The following DCLK1 variants were observed in gnomAD, a reference collection of about 807,000 sequenced individuals.
The protein encoded by DCLK1 is doublecortin like kinase 1, also known as serine/threonine-protein kinase DCLK1.
A neutral mutation model predicts 86.2 loss-of-function variants in DCLK1; 16 were observed. The ratio of observed to expected loss-of-function variants is 0.19; its 90% CI spans 0.13 to 0.28. DCLK1 has a LOEUF of 0.28. Ranked by LOEUF, DCLK1 falls within the 10% of genes least tolerant of loss-of-function variation. The pLI is 1.00. For missense variants in DCLK1, 590 were observed against 940.2 expected (o/e 0.63, Z 4.87); for synonymous variants, 369 against 370.5 (o/e 1.00, Z 0.05).
At chr13:35,835,946 C>T in intron 8 of DCLK1, 87 bp downstream of exon 8, 1 of 1,015,948 alleles carries the variant, frequency 9.8e-7, no homozygotes, top group Non-Finnish European at 1.5e-6. Flanking sequence ...TCCATATGTG[C>T]CACAGACTGG....
chr13:35,947,567 A>G, intron 3 of DCLK1, 110 bp from the exon 4 acceptor site: 1 of 744,218 alleles, frequency 1.3e-6, no homozygotes, highest in South Asian at 2.3e-5. Context: ...AATGGAATCA[A>G]CAGGGCAGCT....
chr13:35,944,887 T>C (rs1334817286), intron 4 of DCLK1, among the ~76,000 whole-genome samples: 1 of 152,000 alleles, frequency 6.6e-6, no homozygotes, highest in East Asian at 1.9e-4. Context: ...CTGTGTGCAT[T>C]CTTTTTTATT....
chr13:35,850,296 G>A (rs747517164), intron 6 of DCLK1: 79 of 984,912 alleles, frequency 8.0e-5, no homozygotes, highest in Middle Eastern at 5.2e-4. Context: ...TGCTAGTGCC[G>A]TTTTAATATG....
chr13:35,808,532 CAGCATTTCAGG>C (rs898974627), intron 13 of DCLK1, among the ~76,000 whole-genome samples: 7 of 152,182 alleles, frequency 4.6e-5, no homozygotes, highest in African/African-American at 1.7e-4. Flanking sequence ...CCTGTATTCC[CAGCATTTCAGG>C]AGACTGAGGC....
chr13:35,794,131 G>A (rs1593594994), intron 15 of DCLK1, among the ~76,000 whole-genome samples: 1 of 152,298 alleles, frequency 6.6e-6, no homozygotes, highest in East Asian at 1.9e-4. Flanking sequence ...GACTGAGGCT[G>A]GACACATGGT....
chr13:36,101,530 A>G (rs1593891029), intron 3 of DCLK1, among the ~76,000 whole-genome samples: 1 of 152,138 alleles, frequency 6.6e-6, no homozygotes, highest in African/African-American at 2.4e-5. Context: ...AGGGCTTTGA[A>G]TTCTGATGTT....
rs1279893587 is a variant in DCLK1, at chr13:35,862,479, G to A, written c.941-7886C>T. Among the ~76,000 whole-genome samples, 3 of 152,084 alleles carry A rather than the reference G, an allele frequency of 2.0e-5. No homozygotes were observed. In the East Asian group the frequency reaches 5.8e-4, roughly 30 times the overall value. ...CCTCATAGAGCCTTCCTGGCCCTTG[G>A]CCTTTCATGTGTAGCAATTTTTTCC... On this transcript the variant is annotated intron_variant, in intron 5 of 16. Transcript: ENST00000360631.
intron 3 of DCLK1, among the ~76,000 whole-genome samples, chr13:36,053,960 TG>T (rs956683653): frequency 2.0e-5 from 3 of 152,096 alleles, no homozygotes; most frequent in African/African-American, 7.2e-5. Context: ...GCAGGATTAG[TG>T]TAAAAGCCAT....
chr13:35,896,749 G>A (rs1163329803), intron 4 of DCLK1, among the ~76,000 whole-genome samples: 8 of 152,050 alleles, frequency 5.3e-5, no homozygotes, highest in Non-Finnish European at 1.0e-4. Context: ...CCCTACCTCA[G>A]GTAAACCTTT....
intron 4 of DCLK1, among the ~76,000 whole-genome samples, chr13:35,896,577 G>A (rs1566591274): frequency 8.1e-6 from 1 of 123,248 alleles, no homozygotes; most frequent in African/African-American, 2.9e-5. Flanking sequence ...TATGCTGTTA[G>A]AACTTGATAT....
intron 3 of DCLK1, among the ~76,000 whole-genome samples, chr13:35,965,728 C>T (rs1209451484): frequency 6.6e-6 from 1 of 152,170 alleles, no homozygotes; most frequent in Non-Finnish European, 1.5e-5. Context: ...CCCTCTGCAT[C>T]CAGACCCCTT....
At chr13:36,063,166 T>C (rs1883621164) in intron 3 of DCLK1, among the ~76,000 whole-genome samples, 1 of 152,190 alleles carries the variant, frequency 6.6e-6, no homozygotes, top group Admixed American at 6.5e-5. Flanking sequence ...TGATAAAGAT[T>C]ATTAACTTTT....
chr13:35,831,949 C>G (rs974800689), intron 8 of DCLK1, among the ~76,000 whole-genome samples: 1 of 152,098 alleles, frequency 6.6e-6, no homozygotes, highest in Non-Finnish European at 1.5e-5. Context: ...TCAGGCCAGT[C>G]TTCTGCCCAC....
chr13:35,822,912 A>G (rs1352315453), intron 10 of DCLK1, 37 bp from the exon 11 acceptor site: 1 of 1,610,530 alleles, frequency 6.2e-7, no homozygotes, highest in Admixed American at 1.7e-5. Context: ...GCACATTAAC[A>G]GACGGGCCAG....
intron 15 of DCLK1, among the ~76,000 whole-genome samples, chr13:35,800,589 G>C (rs934260256): frequency 1.6e-4 from 24 of 152,328 alleles, no homozygotes; most frequent in Non-Finnish European, 2.8e-4. Context: ...AAAAATAAAG[G>C]TGAACTTAGA....
intron 3 of DCLK1, among the ~76,000 whole-genome samples, chr13:36,092,540 G>A (rs1176764437): frequency 8.0e-6 from 1 of 124,624 alleles, no homozygotes; most frequent in African/African-American, 3.0e-5. Flanking sequence ...AGGCTGGAGT[G>A]CAGTGGCGGG....
At chr13:36,079,291 A>C (rs1300363580) in intron 3 of DCLK1, among the ~76,000 whole-genome samples, 1 of 152,174 alleles carries the variant, frequency 6.6e-6, no homozygotes, top group Non-Finnish European at 1.5e-5. Flanking sequence ...AGGATATAGA[A>C]GCCTTGAGAA....
At chr13:36,030,455 C>A (rs1387255804) in intron 3 of DCLK1, among the ~76,000 whole-genome samples, 1 of 138,236 alleles carries the variant, frequency 7.2e-6, no homozygotes. Context: ...CGCCACCACA[C>A]CTGGCTAATT....
At position 35,859,777 on chromosome 13, in the gene DCLK1, G is replaced by A. The variant is rs1871279035; in HGVS notation, c.941-5184C>T. 4.6e-5 allele frequency among the ~76,000 whole-genome samples: 7 copies of A among 152,232 alleles called. No individual in the cohort carries two copies. In the South Asian group the frequency reaches 1.4e-3, roughly 32 times the overall value. ...TCTTATTGCTCCCTGTCCCCAAGAT[G>A]CTTATGATTAAACATCAAAGTTACT... On this transcript the variant is annotated intron_variant, in intron 5 of 16. Transcript: ENST00000360631.
Sources: gnomAD v4.1 joint callset for allele counts (sites outside exome capture counted in the v4.1 genomes callset) on GRCh38, gnomAD v4.1.1 for gene constraint, MANE v1.5 for transcripts, NCBI Gene and HGNC (gene_info 2026-07-23, HGNC 2026-07-21) for gene names.